Variants in NINJ2 observed in about 807,000 individuals in gnomAD.
The protein encoded by NINJ2 is ninjurin-2.
In NINJ2, 12 loss-of-function variants were observed where a neutral mutation model predicts 11.7. The ratio of observed to expected loss-of-function variants is 1.02; its 90% CI spans 0.66 to 1.66. The LOEUF (loss-of-function observed/expected upper bound fraction) is 1.66. NINJ2 is among the 40% of genes most tolerant of loss of function. The pLI, the probability that NINJ2 is intolerant of heterozygous loss-of-function variation, is 0.00. For missense variants in NINJ2, 187 were observed against 181.8 expected (o/e 1.03, Z -0.16); for synonymous variants, 93 against 76.8 (o/e 1.21, Z -1.10).
At chr12:593,636 G>C (rs1025802298) in intron 1 of NINJ2, among the ~76,000 whole-genome samples, 8 of 152,046 alleles carry the variant, frequency 5.3e-5, no homozygotes, top group African/African-American at 1.9e-4. Context: ...GAGCGCTTGA[G>C]CCCAGGAGGT....
chr12:611,117 AG>A (rs1206312295), intron 1 of NINJ2, among the ~76,000 whole-genome samples: 6 of 152,280 alleles, frequency 3.9e-5, no homozygotes, highest in African/African-American at 1.4e-4. Flanking sequence ...CTGTGCCCTA[AG>A]TTACGATAGA....
rs1033150763 is a variant in NINJ2 at position 585,292 on chromosome 12, C to T, written c.34-19114G>A. ...CCTGCTGCAAGCTCTTAACCCTTAG[C>T]GTGAGCAGATGGTAGAACTGCCCAT... On this transcript the variant is annotated intron_variant, in intron 1 of 3. Coordinates refer to ENST00000305108, the MANE Select transcript of NINJ2 (RefSeq NM_016533.6). The surrounding 1 kb of genome is among the most constrained non-coding windows in gnomAD (Gnocchi z 4.1). Among the ~76,000 whole-genome samples, 1 of 152,182 alleles carries T rather than the reference C, an allele frequency of 6.6e-6. No individual in the cohort carries two copies. The highest frequency in any genetic ancestry group is 1.5e-5 in the Non-Finnish European group (1 of 68,036).
rs937223965 is a variant in NINJ2 at position 585,127 on chromosome 12, C to T, written c.34-18949G>A. ...GAGCGAGACTCCGTCTCAATAAACA[C>T]ATAAATAAAAGCAAATCCTTCTTTT... On this transcript the variant is annotated intron_variant, in intron 1 of 3. Transcript: ENST00000305108. This position sits in a 1 kb window ranked among gnomAD's most constrained non-coding sequence, Gnocchi z 4.1. Among the ~76,000 whole-genome samples, 3 of 152,208 alleles carry T rather than the reference C, an allele frequency of 2.0e-5. No homozygotes were observed. The highest frequency in any genetic ancestry group is 2.9e-5 in the Non-Finnish European group (2 of 68,030).
intron 1 of NINJ2, among the ~76,000 whole-genome samples, chr12:617,209 C>CA: frequency 6.6e-6 from 1 of 151,476 alleles, no homozygotes. Context: ...ATCTCAAAAA[C>CA]AAAAAAGTGT....
At chr12:658,139 C>T (rs545578081) in intron 1 of NINJ2, among the ~76,000 whole-genome samples, 2 of 152,010 alleles carry the variant, frequency 1.3e-5, no homozygotes, top group Admixed American at 1.3e-4. Flanking sequence ...GCTGGGATTA[C>T]AAGCACCTGC....
chr12:618,486 G>C (rs1948119810), intron 1 of NINJ2, among the ~76,000 whole-genome samples: 1 of 152,158 alleles, frequency 6.6e-6, no homozygotes, highest in Non-Finnish European at 1.5e-5. Context: ...CCACAGGAAG[G>C]GCTTTAGTAA....
rs531084181 is a variant in NINJ2, at chr12:639,248, T to C, written c.33+24080A>G. ...AAATAAATGTCTAAGTCAGTTGCCATAGGACTTGCCACAATACTAGTCACA... is the reference window on the plus strand; with the variant it reads ...AAATAAATGTCTAAGTCAGTTGCCACAGGACTTGCCACAATACTAGTCACA... On this transcript the variant is annotated intron_variant, in intron 1 of 3. Coordinates refer to ENST00000305108, the MANE Select transcript of NINJ2 (RefSeq NM_016533.6). Among the ~76,000 whole-genome samples, 224 of 152,290 alleles carry C rather than the reference T, an allele frequency of 1.5e-3. 1 individual carries two copies. Among genetic ancestry groups the C allele is most frequent in the Middle Eastern group, 3.4e-3 (1 of 294 alleles).
chr12:592,384 A>G (rs1947727890), intron 1 of NINJ2, among the ~76,000 whole-genome samples: 1 of 152,152 alleles, frequency 6.6e-6, no homozygotes, highest in Non-Finnish European at 1.5e-5. Context: ...GATATTAGAC[A>G]CAGATTACGA....
At chr12:663,188 TAGGGAGCATTTGGAGA>T in intron 1 of NINJ2, 124 bp downstream of exon 1, 1 of 728,868 alleles carries the variant, frequency 1.4e-6, no homozygotes, top group Middle Eastern at 2.4e-4. Context: ...AGACAAAGCC[TAGGGAGCATTTGGAGA>T]AGGGAGTGAG....
At chr12:610,346 C>G (rs1038720968) in intron 1 of NINJ2, 1 of 1,535,380 alleles carries the variant, frequency 6.5e-7, no homozygotes, top group Non-Finnish European at 8.7e-7. Context: ...GCACACTTAC[C>G]ATATACATCA....
chr12:597,543 CAA>C (rs1435890708), intron 1 of NINJ2, among the ~76,000 whole-genome samples: 2 of 152,138 alleles, frequency 1.3e-5, no homozygotes, highest in East Asian at 3.8e-4. Context: ...TCAGACAAAT[CAA>C]AGAGTAAGGG....
At chr12:569,014 G>A (rs929902457) in intron 1 of NINJ2, among the ~76,000 whole-genome samples, 3 of 152,146 alleles carry the variant, frequency 2.0e-5, no homozygotes, top group Non-Finnish European at 2.9e-5. Context: ...CCATAGGCAC[G>A]AAAGGAATGG....
chr12:566,452 C>T (rs897654077), intron 1 of NINJ2, among the ~76,000 whole-genome samples: 3 of 152,128 alleles, frequency 2.0e-5, no homozygotes, highest in South Asian at 2.1e-4. Flanking sequence ...TGGAGAAAGC[C>T]GGGAGGGTTC....
intron 1 of NINJ2, 32 bp from the exon 2 acceptor site, chr12:566,210 G>C: frequency 6.3e-6 from 10 of 1,575,390 alleles, no homozygotes; most frequent in Non-Finnish European, 8.7e-6. Flanking sequence ...CTTACCAAGG[G>C]GAGCTCTGGA....
At chr12:652,918 G>A (rs1163953760) in intron 1 of NINJ2, among the ~76,000 whole-genome samples, 1 of 147,008 alleles carries the variant, frequency 6.8e-6, no homozygotes, top group Non-Finnish European at 1.5e-5. Flanking sequence ...TTGCACTGCA[G>A]CCTGGGCAAC....
chr12:597,473 A>T (rs1947803799), intron 1 of NINJ2, among the ~76,000 whole-genome samples: 1 of 152,248 alleles, frequency 6.6e-6, no homozygotes, highest in South Asian at 2.1e-4. Context: ...GTGACACAGG[A>T]GAACATAGTC....
chr12:635,895 T>TAAAACGCTGTCTCTAATA (rs1948346495), intron 1 of NINJ2, among the ~76,000 whole-genome samples: 1 of 147,234 alleles, frequency 6.8e-6, no homozygotes, highest in Non-Finnish European at 1.5e-5. Context: ...GCCAACATGG[T>TAAAACGCTGTCTCTAATA]AAAACGCTGT....
intron 1 of NINJ2, among the ~76,000 whole-genome samples, chr12:658,495 CA>C (rs752201078): frequency 1.9e-4 from 29 of 152,210 alleles, no homozygotes; most frequent in Middle Eastern, 3.4e-3. Flanking sequence ...TGAGAGAAGG[CA>C]ATCTGAAAAG....
At chr12:566,249 G>A in intron 1 of NINJ2, 71 bp from the exon 2 acceptor site, 2 of 1,305,910 alleles carry the variant, frequency 1.5e-6, no homozygotes, top group Non-Finnish European at 2.1e-6. Flanking sequence ...TGGGAGAGAG[G>A]AGAGAGGTTT....
Sources: gnomAD v4.1 joint callset for allele counts (sites outside exome capture counted in the v4.1 genomes callset) on GRCh38, gnomAD v4.1.1 for gene constraint, Gnocchi (gnomAD v3.1) non-coding constraint, MANE v1.5 for transcripts, NCBI Gene and HGNC (gene_info 2026-07-23, HGNC 2026-07-21) for gene names.